The following MMP16 variants were observed in gnomAD, a reference collection of about 807,000 sequenced individuals.
MMP16 encodes the protein matrix metalloproteinase-16.
In MMP16, 12 loss-of-function variants were observed where a neutral mutation model predicts 67.8. The ratio of observed to expected loss-of-function variants is 0.18; its 90% CI spans 0.11 to 0.29. MMP16 has a LOEUF of 0.29. Ranked by LOEUF, MMP16 falls within the 10% of genes least tolerant of loss-of-function variation. The pLI, the probability that MMP16 is intolerant of heterozygous loss-of-function variation, is 1.00. For synonymous variants in MMP16, 249 were observed against 255.9 expected (o/e 0.97, Z 0.26); for missense variants, 475 against 765.7 (o/e 0.62, Z 4.48).
chr8:88,156,358 T>A (rs1182331550), intron 4 of MMP16, among the ~76,000 whole-genome samples: 1 of 152,092 alleles, frequency 6.6e-6, no homozygotes, highest in Non-Finnish European at 1.5e-5. Flanking sequence ...TCTTCTTTTC[T>A]GATGCATTAA....
At chr8:88,222,762 T>C (rs1437333345) in intron 1 of MMP16, among the ~76,000 whole-genome samples, 1 of 152,118 alleles carries the variant, frequency 6.6e-6, no homozygotes. Flanking sequence ...ACCTAGGCAA[T>C]ACCATTCAGG....
chr8:88,074,895 C>A, intron 6 of MMP16, 152 bp from the exon 7 acceptor site: 2 of 946,568 alleles, frequency 2.1e-6, no homozygotes, highest in Non-Finnish European at 3.1e-6. Flanking sequence ...AACTTGACCG[C>A]AATGATCACA....
At chr8:88,085,866 GA>G (rs1808825246) in intron 6 of MMP16, among the ~76,000 whole-genome samples, 1 of 151,832 alleles carries the variant, frequency 6.6e-6, no homozygotes, top group African/African-American at 2.4e-5. Flanking sequence ...AATTTATAGG[GA>G]AAAATCTCAA....
chr8:88,041,361 C>G lies in MMP16; in HGVS notation c.*100G>C. On this transcript the variant is annotated 3_prime_UTR_variant, in exon 10 of 10. Coordinates refer to ENST00000286614, the MANE Select transcript of MMP16 (RefSeq NM_005941.5). This position sits in a 1 kb window ranked among gnomAD's most constrained non-coding sequence, Gnocchi z 6.0. ...AGGTCAGCCCCGAATCAGGCTGCCA[C>G]AAGCCTGCTCCTAGCTAGGAAACAG... The G allele has an allele frequency of 7.8e-7, 1 of 1,280,230 alleles. No homozygotes were observed. The highest frequency in any genetic ancestry group is 1.1e-6 in the Non-Finnish European group (1 of 914,860). The allele number at this position is 1,280,230 out of a possible 1,614,324, so 79.3% of individuals were successfully genotyped here.
intron 1 of MMP16, among the ~76,000 whole-genome samples, chr8:88,295,440 A>G (rs1810996857): frequency 1.3e-5 from 2 of 152,210 alleles, no homozygotes. Flanking sequence ...AGTTGAAGAT[A>G]ATATAGAACA....
At chr8:88,197,136 G>A (rs1262788780) in intron 2 of MMP16, 22 bp downstream of exon 2, 1 of 1,601,890 alleles carries the variant, frequency 6.2e-7, no homozygotes, top group Admixed American at 1.8e-5. Context: ...AAAAAGAAAG[G>A]AGGATGGGAG....
intron 4 of MMP16, among the ~76,000 whole-genome samples, chr8:88,155,813 C>A (rs1808499980): frequency 6.6e-6 from 1 of 151,948 alleles, no homozygotes; most frequent in South Asian, 2.1e-4. Context: ...TATTGTTTTT[C>A]TGGTTTTCTT....
chr8:88,304,668 C>T (rs1811185995), intron 1 of MMP16, among the ~76,000 whole-genome samples: 1 of 152,146 alleles, frequency 6.6e-6, no homozygotes, highest in Admixed American at 6.5e-5. Flanking sequence ...AAAGAATTTC[C>T]AACCCAGAAT....
At chr8:88,303,697 G>GCA (rs1811168188) in intron 1 of MMP16, among the ~76,000 whole-genome samples, 1 of 152,192 alleles carries the variant, frequency 6.6e-6, no homozygotes, top group South Asian at 2.1e-4. Context: ...GTCTGGAGCA[G>GCA]ACCCCCAGCA....
intron 1 of MMP16, among the ~76,000 whole-genome samples, chr8:88,208,818 C>CAAA (rs59898929): frequency 0.036 from 4,718 of 130,220 alleles, 158 homozygotes; most frequent in Non-Finnish European, 0.051. Flanking sequence ...GTAGATATGG[C>CAAA]AAAAAAAAAA....
At chr8:88,121,097 G>C (rs867991501) in intron 4 of MMP16, among the ~76,000 whole-genome samples, 66 of 147,264 alleles carry the variant, frequency 4.5e-4, no homozygotes, top group Non-Finnish European at 6.7e-4. Context: ...TCCGTTTTTG[G>C]CTAGAAAGAG....
At chr8:88,301,518 C>A (rs1026454664) in intron 1 of MMP16, among the ~76,000 whole-genome samples, 26 of 152,130 alleles carry the variant, frequency 1.7e-4, no homozygotes, top group Non-Finnish European at 5.9e-5. Context: ...AGCTCTCTTT[C>A]AATGTATGCA....
chr8:88,160,002 G>C (rs1192801204), intron 4 of MMP16, among the ~76,000 whole-genome samples: 1 of 150,312 alleles, frequency 6.7e-6, no homozygotes, highest in African/African-American at 2.5e-5. Flanking sequence ...TTAAATTTTA[G>C]GGTACATGTG....
intron 6 of MMP16, among the ~76,000 whole-genome samples, chr8:88,113,179 T>C (rs964368756): frequency 6.6e-6 from 1 of 151,764 alleles, no homozygotes; most frequent in Non-Finnish European, 1.5e-5. Context: ...GAGGAACACA[T>C]TTCAATAAGA....
intron 1 of MMP16, among the ~76,000 whole-genome samples, chr8:88,279,282 G>A (rs1810695854): frequency 6.6e-6 from 1 of 150,548 alleles, no homozygotes; most frequent in Admixed American, 6.6e-5. Context: ...TATTTTTATT[G>A]GTCATATGTT....
chr8:88,201,717 T>C (rs1435927895), intron 1 of MMP16, among the ~76,000 whole-genome samples: 1 of 152,166 alleles, frequency 6.6e-6, no homozygotes, highest in Non-Finnish European at 1.5e-5. Context: ...AAAACATTAA[T>C]TTCCATTTTT....
At chr8:88,210,869 G>A (rs1809502242) in intron 1 of MMP16, among the ~76,000 whole-genome samples, 1 of 151,986 alleles carries the variant, frequency 6.6e-6, no homozygotes, top group Admixed American at 6.6e-5. Flanking sequence ...AACACACCAA[G>A]AGCTTAACAT....
intron 1 of MMP16, among the ~76,000 whole-genome samples, chr8:88,234,215 A>G (rs1303562120): frequency 6.6e-6 from 1 of 152,198 alleles, no homozygotes; most frequent in Non-Finnish European, 1.5e-5. Flanking sequence ...TAAGTAACTT[A>G]GAATTTCATT....
Position 88,067,437 on chromosome 8 carries a change from T to G in MMP16, c.1222+7168A>C, listed in dbSNP as rs111699386. 3.9e-5 allele frequency among the ~76,000 whole-genome samples: 6 copies of G among 152,184 alleles called. 1 individual carries two copies. The highest frequency in any genetic ancestry group is 1.4e-4 in the African/African-American group (6 of 41,538). ...GTAAAGCTTCTTGTTAAAAAAACAG[T>G]CTTATTGTGGTATAACTGACATTCA... is the stretch of plus-strand genomic sequence containing the variant. On this transcript the variant is annotated intron_variant, in intron 7 of 9. Transcript: ENST00000286614.
Sources: gnomAD v4.1 joint callset for allele counts (sites outside exome capture counted in the v4.1 genomes callset) on GRCh38, gnomAD v4.1.1 for gene constraint, Gnocchi (gnomAD v3.1) non-coding constraint, MANE v1.5 for transcripts, NCBI Gene and HGNC (gene_info 2026-07-23, HGNC 2026-07-21) for gene names.